TMEM132B: variants seen among roughly 807,000 people sequenced by gnomAD.
TMEM132B encodes the protein transmembrane protein 132B.
In TMEM132B, 18 loss-of-function variants were observed where a neutral mutation model predicts 90.8. That is an observed-to-expected ratio of 0.20 (90% CI 0.14 to 0.29). The LOEUF (loss-of-function observed/expected upper bound fraction) is 0.29, where lower values mean the gene tolerates loss of function less well. TMEM132B is among the 10% of genes least tolerant of loss of function. The probability of loss-of-function intolerance (pLI) is 1.00; values close to 1 mark genes in which losing one functional copy is unlikely to be tolerated. For synonymous variants in TMEM132B, 504 were observed against 523.3 expected (o/e 0.96, Z 0.50); for missense variants, 1,096 against 1,326.8 (o/e 0.83, Z 2.70).
chr12:125,378,393 G>GC (rs774207006), intron 2 of TMEM132B, among the ~76,000 whole-genome samples: 6 of 152,194 alleles, frequency 3.9e-5, no homozygotes, highest in Non-Finnish European at 7.3e-5. Flanking sequence ...CCTCAGTCAA[G>GC]CAGGGCCTTA....
rs1882329487 is a variant in TMEM132B at position 125,490,752 on chromosome 12, C to T, written c.1107-28687C>T. On this transcript the variant is annotated intron_variant, in intron 3 of 8. Coordinates refer to ENST00000682704, the MANE Select transcript of TMEM132B (RefSeq NM_001366854.1). This position sits in a 1 kb window ranked among gnomAD's most constrained non-coding sequence, Gnocchi z 4.2. ...AAGTGCTGGGATTACAGGTGTGAGC[C>T]ACCGCGCCCGGCCAATTTCTTTCCT... Among the ~76,000 whole-genome samples, 1 of 152,162 alleles carries T rather than the reference C, an allele frequency of 6.6e-6. No individual in the cohort carries two copies. The highest frequency in any genetic ancestry group is 1.5e-5 in the Non-Finnish European group (1 of 68,044).
chr12:125,416,612 T>G (rs1253721902), intron 3 of TMEM132B, among the ~76,000 whole-genome samples: 1 of 152,254 alleles, frequency 6.6e-6, no homozygotes, highest in East Asian at 1.9e-4. Context: ...AGTGAGTTGC[T>G]GGCAAGCGCT....
intron 3 of TMEM132B, among the ~76,000 whole-genome samples, chr12:125,500,160 C>T (rs1014384483): frequency 3.3e-5 from 5 of 152,186 alleles, no homozygotes; most frequent in East Asian, 1.9e-4. Flanking sequence ...GAGAGAGCCC[C>T]GTTGCATTGC....
chr12:125,456,779 A>T (rs1246482270), intron 3 of TMEM132B, among the ~76,000 whole-genome samples: 2 of 152,216 alleles, frequency 1.3e-5, no homozygotes, highest in Non-Finnish European at 2.9e-5. Flanking sequence ...AGGCTGGCAC[A>T]TGGCAGGGGC....
intron 5 of TMEM132B, among the ~76,000 whole-genome samples, chr12:125,622,013 A>G (rs753366143): frequency 1.3e-5 from 2 of 152,336 alleles, no homozygotes; most frequent in Non-Finnish European, 2.9e-5. Context: ...ATCTCTCTGA[A>G]CATAGTCCTT....
intron 2 of TMEM132B, among the ~76,000 whole-genome samples, chr12:125,399,425 T>G (rs553722232): frequency 5.9e-5 from 9 of 151,818 alleles, no homozygotes; most frequent in Non-Finnish European, 1.0e-4. Flanking sequence ...TTGGACTTGC[T>G]TATCTTGTTG....
At chr12:125,597,561 C>T (rs1043153355) in intron 5 of TMEM132B, among the ~76,000 whole-genome samples, 2 of 152,202 alleles carry the variant, frequency 1.3e-5, no homozygotes, top group African/African-American at 2.4e-5. Flanking sequence ...TATATTACAG[C>T]ACTGGGCTCA....
chr12:125,612,074 C>G (rs1885842532), intron 5 of TMEM132B, among the ~76,000 whole-genome samples: 1 of 152,078 alleles, frequency 6.6e-6, no homozygotes. Context: ...CTTCATAGAT[C>G]TGGGGCTCTG....
rs373729195 is a variant in TMEM132B, at chr12:125,608,395, G to T, written c.1437+24401G>T. Among the ~76,000 whole-genome samples, 9 of 152,230 alleles carry T rather than the reference G, an allele frequency of 5.9e-5. No individual in the cohort carries two copies. The East Asian group carries it at 1.5e-3, about 26-fold the overall frequency. On this transcript the variant is annotated intron_variant, in intron 5 of 8. Coordinates refer to ENST00000682704, the MANE Select transcript of TMEM132B (RefSeq NM_001366854.1). ...ATAACTTGGAAAAATGTCTATTGAG[G>T]TCCTTGCCCATTTTAAAATTGAATT...
chr12:125,199,219 G>C (rs1872999382), intron 1 of TMEM132B, among the ~76,000 whole-genome samples: 1 of 152,222 alleles, frequency 6.6e-6, no homozygotes, highest in Non-Finnish European at 1.5e-5. Context: ...TGTGCAGGAA[G>C]GTGTGGGGAC....
At chr12:125,279,537 A>C (rs1434102058) in intron 1 of TMEM132B, among the ~76,000 whole-genome samples, 1 of 152,246 alleles carries the variant, frequency 6.6e-6, no homozygotes, top group Non-Finnish European at 1.5e-5. Context: ...TTCCCGGGAC[A>C]GAAACAGCAT....
intron 5 of TMEM132B, among the ~76,000 whole-genome samples, chr12:125,589,970 T>C (rs1885280132): frequency 6.6e-6 from 1 of 152,100 alleles, no homozygotes; most frequent in Non-Finnish European, 1.5e-5. Context: ...GGGAGGTGTT[T>C]GGGTCATAGG....
chr12:125,500,785 A>C (rs1026776083), intron 3 of TMEM132B, among the ~76,000 whole-genome samples: 8 of 152,204 alleles, frequency 5.3e-5, no homozygotes, highest in African/African-American at 1.9e-4. Context: ...TGGTTGCAGC[A>C]AATGAGGAGA....
chr12:125,314,535 C>T (rs760711973), intron 1 of TMEM132B, among the ~76,000 whole-genome samples: 1 of 152,134 alleles, frequency 6.6e-6, no homozygotes, highest in Non-Finnish European at 1.5e-5. Flanking sequence ...GCTTCCTGCA[C>T]CCGGGCTCAG....
intron 1 of TMEM132B, among the ~76,000 whole-genome samples, chr12:125,220,266 G>T (rs554953009): frequency 1.4e-4 from 22 of 152,280 alleles, no homozygotes; most frequent in Non-Finnish European, 1.9e-4. Context: ...TTGGGAAGGG[G>T]CCTCCTTCCT....
intron 3 of TMEM132B, among the ~76,000 whole-genome samples, chr12:125,449,523 A>G (rs535212318): frequency 3.0e-4 from 45 of 152,046 alleles, no homozygotes; most frequent in African/African-American, 1.1e-3. Flanking sequence ...GTTTCCCAAG[A>G]ATTAGTTTTT....
intron 1 of TMEM132B, among the ~76,000 whole-genome samples, chr12:125,192,636 G>A (rs969047313): frequency 6.6e-6 from 1 of 152,194 alleles, no homozygotes; most frequent in Admixed American, 6.5e-5. Flanking sequence ...GAGCCACCAT[G>A]CCTGGCTGAA....
intron 5 of TMEM132B, among the ~76,000 whole-genome samples, chr12:125,589,481 C>CAA (rs71095204): frequency 3.8e-4 from 28 of 73,144 alleles, no homozygotes; most frequent in African/African-American, 1.2e-3. Flanking sequence ...GACTCCGTCT[C>CAA]AAAAAAAAAA....
chr12:125,540,067 T>G (rs2136723554), intron 4 of TMEM132B, among the ~76,000 whole-genome samples: 1 of 152,356 alleles, frequency 6.6e-6, no homozygotes, highest in Admixed American at 6.5e-5. Flanking sequence ...ATTTTTTTCT[T>G]TGGTCCATAG....
Sources: gnomAD v4.1 joint callset for allele counts (sites outside exome capture counted in the v4.1 genomes callset) on GRCh38, gnomAD v4.1.1 for gene constraint, Gnocchi (gnomAD v3.1) non-coding constraint, MANE v1.5 for transcripts, NCBI Gene and HGNC (gene_info 2026-07-23, HGNC 2026-07-21) for gene names.